The following IFT27 variants were observed in gnomAD, a reference collection of about 807,000 sequenced individuals.
IFT27 encodes the protein intraflagellar transport protein 27 homolog.
IFT27 carries 19 observed loss-of-function variants against 23.9 expected under a neutral mutation model. That is an observed-to-expected ratio of 0.79 (90% CI 0.55 to 1.16). The LOEUF (loss-of-function observed/expected upper bound fraction) is 1.16, where lower values mean the gene tolerates loss of function less well. IFT27 is among the 50% of genes most tolerant of loss of function. The probability of loss-of-function intolerance (pLI) is 0.00; values close to 1 mark genes in which losing one functional copy is unlikely to be tolerated. For missense variants in IFT27, 206 were observed against 228.7 expected, an observed-to-expected ratio of 0.90 and a Z score of 0.64; for synonymous variants, 91 against 89.1, an observed-to-expected ratio of 1.02 and a Z score of -0.12.
chr22:36,772,003 G>A (rs1028313140), intron 1 of IFT27, among the ~76,000 whole-genome samples: 6 of 152,168 alleles, frequency 3.9e-5, no homozygotes, highest in Admixed American at 1.3e-4. Flanking sequence ...ATTCCTGTTC[G>A]CCCAGTCCCT....
At chr22:36,771,275 C>A (rs1248182939) in intron 1 of IFT27, among the ~76,000 whole-genome samples, 1 of 152,220 alleles carries the variant, frequency 6.6e-6, no homozygotes, top group Non-Finnish European at 1.5e-5. Flanking sequence ...CAGTTTCCCC[C>A]TTTTCCTCTT....
chr22:36,763,888 G>A (rs549487705), intron 5 of IFT27, 31 bp downstream of exon 5: 76 of 1,455,954 alleles, frequency 5.2e-5, no homozygotes, highest in South Asian at 1.0e-4. Context: ...CAGAGATGCC[G>A]CTGGGAAACA....
At chr22:36,767,139 C>T (rs1023472893) in intron 3 of IFT27, 167 bp downstream of exon 3, 38 of 527,274 alleles carry the variant, frequency 7.2e-5, no homozygotes, top group Non-Finnish European at 1.4e-5. Context: ...CCTCCTCCAC[C>T]TCCTCAGTCC....
At chr22:36,761,827 C>T (rs1417828228) in intron 6 of IFT27, 1 of 152,180 alleles carries the variant, frequency 6.6e-6, no homozygotes, top group African/African-American at 2.4e-5. Context: ...GACGGCAGCA[C>T]TGGTCAAGGT....
intron 1 of IFT27, chr22:36,772,820 T>C (rs1041038559): frequency 6.1e-6 from 6 of 975,788 alleles, no homozygotes; most frequent in Non-Finnish European, 7.3e-6. Flanking sequence ...AGTAGGGCTG[T>C]GGGTCATGGA....
intron 1 of IFT27, among the ~76,000 whole-genome samples, chr22:36,773,281 C>T: frequency 6.6e-6 from 1 of 152,022 alleles, no homozygotes. Flanking sequence ...TCATTTAAAC[C>T]CAGGAGGTGG....
intron 6 of IFT27, chr22:36,758,846 T>C (rs933750156): frequency 1.2e-5 from 2 of 166,528 alleles, no homozygotes; most frequent in African/African-American, 2.4e-5. Context: ...CCTAGGCTGG[T>C]GCTGGACCCA....
At chr22:36,767,563 T>G (rs5756338) in intron 2 of IFT27, among the ~76,000 whole-genome samples, 198 bp from the exon 3 acceptor site, 1 of 152,064 alleles carries the variant, frequency 6.6e-6, no homozygotes, top group Non-Finnish European at 1.5e-5. Context: ...CCTGCCCTGA[T>G]GTGAGCTGCT....
At chr22:36,774,842 A>G (rs112961041) in intron 1 of IFT27, among the ~76,000 whole-genome samples, 335 of 152,236 alleles carry the variant, frequency 2.2e-3, no homozygotes, top group African/African-American at 7.7e-3. Flanking sequence ...AAAACAATCC[A>G]GTACCTAGCC....
chr22:36,769,285 G>A (rs1031073913), intron 1 of IFT27, among the ~76,000 whole-genome samples: 6 of 151,994 alleles, frequency 3.9e-5, no homozygotes, highest in Admixed American at 1.3e-4. Context: ...AGAGAGGCTG[G>A]GTAACTCGCC....
chr22:36,763,856 C>T, intron 5 of IFT27, 63 bp downstream of exon 5: 1 of 1,202,074 alleles, frequency 8.3e-7, no homozygotes, highest in East Asian at 2.3e-5. Context: ...CTGCAATGCC[C>T]TTGTGCTCTT....
rs765920708 is a variant in IFT27 at position 36,766,175 on chromosome 22, G to A, written c.197C>T (p.Ala66Val). 12 of 1,614,006 alleles carry A rather than the reference G, an allele frequency of 7.4e-6. No homozygotes were observed. In the Admixed American group the frequency reaches 2.0e-4, roughly 27 times the overall value. Residue 66 changes from alanine to valine, a missense_variant, in exon 4 of 7, where the codon GCT becomes GTT. Physicochemically the swap from Ala to Val is moderately conservative, Grantham distance 64 (BLOSUM62 0). Coordinates refer to ENST00000433985, the MANE Select transcript of IFT27 (RefSeq NM_001177701.3). ...DSVELFIFDS[A>V]GKELFSEMLD... The stretch of plus-strand genomic sequence containing the variant: ...CATTTCCGAAAACAGCTCCTTGCCA[G>A]CAGAGTCAAAAATGAAGAGTTCCTA...
At chr22:36,761,536 A>G (rs1860360958) in intron 6 of IFT27, 2 of 152,240 alleles carry the variant, frequency 1.3e-5, no homozygotes, top group African/African-American at 4.8e-5. Flanking sequence ...GGTAATATTT[A>G]TACTTTAAGA....
At chr22:36,771,393 G>A (rs185487606) in intron 1 of IFT27, among the ~76,000 whole-genome samples, 32 of 152,314 alleles carry the variant, frequency 2.1e-4, no homozygotes, top group African/African-American at 7.5e-4. Context: ...GTAGTCCTTG[G>A]TACCAGGAGT....
chr22:36,766,075 G>C lies in IFT27; in HGVS notation c.234+63C>G, dbSNP rs1194087837. ...GCAGGGAAACTGCTGTGTGAGCACT[G>C]TCAGGGGTAAACGTTTTGGCAGGAG... On this transcript the variant is annotated intron_variant, in intron 4 of 6. Coordinates refer to ENST00000433985, the MANE Select transcript of IFT27 (RefSeq NM_001177701.3). 3.8e-6 allele frequency: 5 copies of C among 1,318,676 alleles called. No individual in the cohort carries two copies. In the South Asian group the frequency reaches 4.7e-5, roughly 12 times the overall value. The allele number at this position is 1,318,676 out of a possible 1,614,324, so 81.7% of individuals were successfully genotyped here. A position where few individuals can be genotyped will look rare whatever the true frequency, so the allele number is the denominator to read the frequency against.
intron 6 of IFT27, 52 bp from the exon 7 acceptor site, chr22:36,758,461 G>T: frequency 7.4e-7 from 1 of 1,359,170 alleles, no homozygotes; most frequent in Non-Finnish European, 1.1e-6. Context: ...GGGTCAGAGG[G>T]CCAGCTCTCA....
chr22:36,775,148 T>C (rs2145927745), intron 1 of IFT27, among the ~76,000 whole-genome samples: 1 of 152,164 alleles, frequency 6.6e-6, no homozygotes, highest in African/African-American at 2.4e-5. Context: ...TATGCCCTTC[T>C]TGGAGTGGGG....
chr22:36,766,060 TG>T, intron 4 of IFT27, 77 bp downstream of exon 4: 1 of 1,135,638 alleles, frequency 8.8e-7, no homozygotes, highest in Non-Finnish European at 1.3e-6. Flanking sequence ...GCAGGGAAAC[TG>T]CTGTGTGAGC....
At chr22:36,766,526 G>A in intron 3 of IFT27, 1 of 344,962 alleles carries the variant, frequency 2.9e-6, no homozygotes. Context: ...AGGCCGGTGA[G>A]TGCTCTGGTT....
Sources: allele counts gnomAD v4.1 joint callset (sites outside exome capture counted in the v4.1 genomes callset), GRCh38; gene constraint gnomAD v4.1.1; transcripts MANE v1.5; gene names NCBI Gene and HGNC (gene_info 2026-07-23, HGNC 2026-07-21).